MMP26: variants seen among roughly 807,000 people sequenced by gnomAD.
MMP26 encodes the protein matrix metallopeptidase 26, also known as matrix metalloproteinase-26.
A neutral mutation model predicts 31.0 loss-of-function variants in MMP26; 33 were observed. The ratio of observed to expected loss-of-function variants is 1.06; its 90% CI spans 0.81 to 1.42. The LOEUF (loss-of-function observed/expected upper bound fraction) is 1.42. Ranked by LOEUF, MMP26 falls within the 40% of genes most tolerant of loss-of-function variation. MMP26 has a pLI of 0.00. For synonymous variants in MMP26, 122 were observed against 114.9 expected (o/e 1.06, Z -0.40); for missense variants, 347 against 316.1 (o/e 1.10, Z -0.74).
intron 2 of MMP26, among the ~76,000 whole-genome samples, chr11:4,968,615 C>G (rs1018266444): frequency 6.6e-6 from 1 of 151,824 alleles, no homozygotes; most frequent in Non-Finnish European, 1.5e-5. Context: ...TGATAAGACA[C>G]AGAACTTTGG....
At chr11:4,807,703 C>A (rs1018157302) in intron 2 of MMP26, among the ~76,000 whole-genome samples, 9 of 152,084 alleles carry the variant, frequency 5.9e-5, no homozygotes, top group Non-Finnish European at 1.2e-4. Flanking sequence ...ACCAACGTGG[C>A]ACATGTATAC....
rs754987639 is a variant in MMP26 at position 4,881,973 on chromosome 11, C to G, written c.-144-106095C>G. On this transcript the variant is annotated intron_variant, in intron 2 of 7. Transcript: ENST00000380390. ...ACTGCATTCCCTGGGCTGGAATGTG[C>G]TCATGTCTGGATCTCCATTCCAGTC... 32 of 1,613,870 alleles carry G rather than the reference C, an allele frequency of 2.0e-5. No individual in the cohort carries two copies. The South Asian group carries it at 3.4e-4, about 17-fold the overall frequency.
chr11:4,877,105 A>G (rs889763655), intron 2 of MMP26: 1 of 152,308 alleles, frequency 6.6e-6, no homozygotes, highest in African/African-American at 2.4e-5. Context: ...TACTGCCTCC[A>G]TCAGGATGCC....
intron 2 of MMP26, chr11:4,882,349 C>A (rs750871525): frequency 6.2e-7 from 1 of 1,613,928 alleles, no homozygotes; most frequent in Non-Finnish European, 8.5e-7. Flanking sequence ...GGCTGGTCAT[C>A]TGCATTAGAC....
intron 2 of MMP26, among the ~76,000 whole-genome samples, chr11:4,797,764 T>C (rs530404440): frequency 5.3e-4 from 81 of 152,356 alleles, no homozygotes; most frequent in African/African-American, 1.8e-3. Flanking sequence ...ATATCATTAA[T>C]TTGGATTACA....
chr11:4,989,883 G>T lies in MMP26; in HGVS notation c.320+15G>T, dbSNP rs1321553690. The T allele has an allele frequency of 6.3e-7, 1 of 1,595,572 alleles. No individual in the cohort carries two copies. The highest frequency in any genetic ancestry group is 8.5e-7 in the Non-Finnish European group (1 of 1,173,424). On this transcript the variant is annotated intron_variant, in intron 4 of 7. Transcript: ENST00000380390. Reference sequence around the variant, plus strand: ...CTAACTTACAGGTGCTTGTTACTAAGGCCTAGAGGATAATGTGTGGGGTGA... The same window carrying T: ...CTAACTTACAGGTGCTTGTTACTAATGCCTAGAGGATAATGTGTGGGGTGA...
At chr11:4,821,843 C>T in intron 2 of MMP26, 1 of 1,613,344 alleles carries the variant, frequency 6.2e-7, no homozygotes, top group Non-Finnish European at 8.5e-7. Context: ...CTTACCAATG[C>T]CCGAATTGCC....
In MMP26 at chr11:4,862,822, CTTG is replaced by C. The variant is rs1181079979; in HGVS notation, c.-145+95486_-145+95488del. On this transcript the variant is annotated intron_variant, in intron 2 of 7. Coordinates refer to ENST00000380390, the MANE Select transcript of MMP26 (RefSeq NM_021801.5). ...TGAAAGGTAGTGTAGTCCACTCACA[CTTG>C]TTGTGTTGTATCTTTCTAACAAAAT... Among the ~76,000 whole-genome samples the C allele has an allele frequency of 2.6e-5, 4 of 152,144 alleles. No individual in the cohort carries two copies. The East Asian group carries it at 5.8e-4, about 22-fold the overall frequency.
In MMP26 at chr11:4,914,990, A is replaced by C. The variant is rs1331350885; in HGVS notation, c.-144-73078A>C. On this transcript the variant is annotated intron_variant, in intron 2 of 7. Coordinates refer to ENST00000380390, the MANE Select transcript of MMP26 (RefSeq NM_021801.5). ...GATGGACAGCACGGTGCGCAGGATCAGAGCATAAGAGAAGAGGATGAGCAG... is the reference window on the plus strand; with the variant it reads ...GATGGACAGCACGGTGCGCAGGATCCGAGCATAAGAGAAGAGGATGAGCAG... 3 of 1,614,160 alleles carry C rather than the reference A, an allele frequency of 1.9e-6. No homozygotes were observed. In the Admixed American group the frequency reaches 5.0e-5, roughly 27 times the overall value.
intron 2 of MMP26, among the ~76,000 whole-genome samples, chr11:4,824,594 T>A (rs1260214215): frequency 6.6e-6 from 1 of 152,164 alleles, no homozygotes; most frequent in Non-Finnish European, 1.5e-5. Flanking sequence ...AAGACATTTC[T>A]CTTCCCTCAT....
chr11:4,802,715 T>G (rs1849200079), intron 2 of MMP26, among the ~76,000 whole-genome samples: 2 of 152,220 alleles, frequency 1.3e-5, no homozygotes, highest in African/African-American at 4.8e-5. Flanking sequence ...CAGCTATTTT[T>G]TATCATTTGG....
In MMP26 at chr11:4,932,858, A is replaced by G. The variant is rs972244328; in HGVS notation, c.-144-55210A>G. Among the ~76,000 whole-genome samples the G allele has an allele frequency of 2.0e-5, 3 of 152,126 alleles. No homozygotes were observed. In the East Asian group the frequency reaches 5.8e-4, roughly 29 times the overall value. On this transcript the variant is annotated intron_variant, in intron 2 of 7. Transcript: ENST00000380390. ...ACTCTTCTCTGTCAAAATACACATC[A>G]TTTTCACTAGTTCCTCTCAAGATCT...
At chr11:4,743,525 C>T (rs896327915) in intron 1 of MMP26, among the ~76,000 whole-genome samples, 1 of 152,124 alleles carries the variant, frequency 6.6e-6, no homozygotes, top group Non-Finnish European at 1.5e-5. Context: ...TTTTCCTTAT[C>T]AGCCTGGCAT....
At chr11:4,856,579 T>G in intron 2 of MMP26, among the ~76,000 whole-genome samples, 1 of 152,166 alleles carries the variant, frequency 6.6e-6, no homozygotes, top group Non-Finnish European at 1.5e-5. Flanking sequence ...AAGCAAGTCC[T>G]GAGTGACCTA....
intron 2 of MMP26, chr11:4,955,729 C>A (rs147937034): frequency 1.9e-6 from 3 of 1,567,114 alleles, no homozygotes; most frequent in Non-Finnish European, 2.6e-6. Context: ...ATTCATAGGG[C>A]TCTGCTATGA....
At chr11:4,925,930 A>T (rs527670555) in intron 2 of MMP26, among the ~76,000 whole-genome samples, 21 of 152,278 alleles carry the variant, frequency 1.4e-4, no homozygotes, top group African/African-American at 4.8e-4. Context: ...GGTGAGGAGG[A>T]TTAAGTAAAA....
chr11:4,982,814 T>G (rs1286673527), intron 2 of MMP26, among the ~76,000 whole-genome samples: 3 of 152,204 alleles, frequency 2.0e-5, no homozygotes, highest in Non-Finnish European at 4.4e-5. Flanking sequence ...AAACCTATAC[T>G]CTAATCAAAA....
At chr11:4,935,815 T>C (rs950638524) in intron 2 of MMP26, among the ~76,000 whole-genome samples, 4 of 151,796 alleles carry the variant, frequency 2.6e-5, no homozygotes, top group South Asian at 2.1e-4. Flanking sequence ...AAAGGCTTTT[T>C]CTGCATCTAT....
At chr11:4,737,568 G>A (rs1050876681) in intron 1 of MMP26, among the ~76,000 whole-genome samples, 5 of 152,158 alleles carry the variant, frequency 3.3e-5, no homozygotes, top group African/African-American at 9.7e-5. Context: ...GCTTGAACCC[G>A]GGAGGCGGAG....
Sources: allele counts gnomAD v4.1 joint callset (sites outside exome capture counted in the v4.1 genomes callset), GRCh38; gene constraint gnomAD v4.1.1; transcripts MANE v1.5; gene names NCBI Gene and HGNC (gene_info 2026-07-23, HGNC 2026-07-21).